DACH1: variants seen among roughly 807,000 people sequenced by gnomAD.
DACH1 encodes the protein dachshund homolog 1.
DACH1 carries 12 observed loss-of-function variants against 54.2 expected under a neutral mutation model. That is an observed-to-expected ratio of 0.22 (90% confidence interval 0.14 to 0.36). The LOEUF (loss-of-function observed/expected upper bound fraction) is 0.36. Ranked by LOEUF, DACH1 falls within the 10% of genes least tolerant of loss-of-function variation. The probability of loss-of-function intolerance (pLI) is 1.00; values close to 1 mark genes in which losing one functional copy is unlikely to be tolerated. For missense variants in DACH1, 805 were observed against 929.8 expected (o/e 0.87, Z 1.75); for synonymous variants, 386 against 366.2 (o/e 1.05, Z -0.62).
At chr13:71,449,250 T>C (rs1162465660) in intron 10 of DACH1, among the ~76,000 whole-genome samples, 4 of 151,738 alleles carry the variant, frequency 2.6e-5, no homozygotes, top group African/African-American at 9.7e-5. Flanking sequence ...TGCTTCAACC[T>C]GGAAGGCGGA....
At chr13:71,761,406 T>TA (rs1402688314) in intron 1 of DACH1, among the ~76,000 whole-genome samples, 5 of 152,134 alleles carry the variant, frequency 3.3e-5, no homozygotes, top group Admixed American at 3.3e-4. Flanking sequence ...TTCCTATAGG[T>TA]AGATTGTAAC....
intron 3 of DACH1, among the ~76,000 whole-genome samples, chr13:71,595,715 T>C (rs1409874112): frequency 6.6e-6 from 1 of 152,254 alleles, no homozygotes; most frequent in African/African-American, 2.4e-5. Flanking sequence ...TGTCAGGTTC[T>C]AAGAGGAAAC....
chr13:71,450,924 C>T (rs561052030), intron 10 of DACH1, among the ~76,000 whole-genome samples: 1 of 152,218 alleles, frequency 6.6e-6, no homozygotes, highest in South Asian at 2.1e-4. Context: ...ACTCAAGGAT[C>T]TGCCCCAAAT....
chr13:71,523,676 T>C (rs775983964), intron 6 of DACH1, among the ~76,000 whole-genome samples: 1 of 152,096 alleles, frequency 6.6e-6, no homozygotes, highest in Non-Finnish European at 1.5e-5. Context: ...TTCTCATCTA[T>C]TCAGATTCAC....
intron 3 of DACH1, among the ~76,000 whole-genome samples, chr13:71,612,556 G>T (rs1875411404): frequency 6.6e-6 from 1 of 152,076 alleles, no homozygotes; most frequent in Admixed American, 6.5e-5. Flanking sequence ...AGTAGACCCT[G>T]CCTTCATTAC....
intron 1 of DACH1, among the ~76,000 whole-genome samples, chr13:71,732,171 T>A (rs1883780767): frequency 6.6e-6 from 1 of 152,196 alleles, no homozygotes; most frequent in South Asian, 2.1e-4. Context: ...TTTCCTTGAA[T>A]TTTTCATGAA....
intron 1 of DACH1, among the ~76,000 whole-genome samples, chr13:71,694,495 A>T (rs533620919): frequency 2.4e-4 from 37 of 152,334 alleles, no homozygotes; most frequent in South Asian, 8.3e-4. Flanking sequence ...TGTTAATATG[A>T]TTTACATTCA....
chr13:71,818,313 T>A (rs1888047126), intron 1 of DACH1, among the ~76,000 whole-genome samples: 1 of 152,204 alleles, frequency 6.6e-6, no homozygotes, highest in African/African-American at 2.4e-5. Context: ...CTAGGTTGTC[T>A]GTGAAGGTCA....
intron 1 of DACH1, among the ~76,000 whole-genome samples, chr13:71,735,727 T>G (rs1234575731): frequency 6.6e-6 from 1 of 151,924 alleles, no homozygotes; most frequent in South Asian, 2.1e-4. Flanking sequence ...CACCAAACAT[T>G]TCTCTTATTC....
chr13:71,677,615 C>G (rs906260563), intron 2 of DACH1, among the ~76,000 whole-genome samples: 2 of 151,850 alleles, frequency 1.3e-5, no homozygotes, highest in African/African-American at 2.4e-5. Context: ...CCTAAGAAAA[C>G]AAATGCATCC....
At chr13:71,816,622 G>C (rs167341) in intron 1 of DACH1, among the ~76,000 whole-genome samples, 1 of 75,284 alleles carries the variant, frequency 1.3e-5, no homozygotes, top group East Asian at 8.7e-4. Flanking sequence ...ATATACACGT[G>C]TATATATACA....
chr13:71,850,128 A>G (rs1239805102), intron 1 of DACH1, among the ~76,000 whole-genome samples: 1 of 152,212 alleles, frequency 6.6e-6, no homozygotes, highest in African/African-American at 2.4e-5. Context: ...TACAGCTCTC[A>G]TAGGTATACA....
chr13:71,487,706 A>G (rs551053397), intron 7 of DACH1, among the ~76,000 whole-genome samples: 1 of 152,314 alleles, frequency 6.6e-6, no homozygotes, highest in Non-Finnish European at 1.5e-5. Context: ...AATCCATGCA[A>G]ATAGCTTTTC....
At chr13:71,829,179 G>A (rs1888493468) in intron 1 of DACH1, among the ~76,000 whole-genome samples, 1 of 151,844 alleles carries the variant, frequency 6.6e-6, no homozygotes, top group South Asian at 2.1e-4. Context: ...TACATGCTTT[G>A]ACCAAGTATA....
intron 1 of DACH1, among the ~76,000 whole-genome samples, chr13:71,777,660 T>C (rs981819759): frequency 6.6e-6 from 1 of 152,172 alleles, no homozygotes; most frequent in Non-Finnish European, 1.5e-5. Flanking sequence ...ATTGGAGCTA[T>C]ATTTTTTCCT....
chr13:71,528,584 C>T (rs1028821183), intron 6 of DACH1, among the ~76,000 whole-genome samples: 6 of 151,890 alleles, frequency 4.0e-5, no homozygotes, highest in Non-Finnish European at 8.8e-5. Flanking sequence ...CCTGCCACCA[C>T]GCCCGGCTAA....
intron 1 of DACH1, among the ~76,000 whole-genome samples, chr13:71,865,190 G>A (rs1050115029): frequency 2.0e-5 from 3 of 152,086 alleles, no homozygotes; most frequent in Non-Finnish European, 4.4e-5. Context: ...GCTCACACGC[G>A]GACACACGCA....
At chr13:71,675,373 C>G (rs1594083794) in intron 2 of DACH1, 2 of 1,496,846 alleles carry the variant, frequency 1.3e-6, no homozygotes, top group South Asian at 2.3e-5. Flanking sequence ...TCTGGTTGGC[C>G]TTTTTGAAGA....
intron 6 of DACH1, among the ~76,000 whole-genome samples, chr13:71,494,505 G>A (rs560669819): frequency 1.3e-5 from 2 of 152,166 alleles, no homozygotes; most frequent in South Asian, 4.1e-4. Flanking sequence ...AGGTAGGGTA[G>A]GCTAAGCAAT....
Sources: gnomAD v4.1 joint callset for allele counts (sites outside exome capture counted in the v4.1 genomes callset) on GRCh38, gnomAD v4.1.1 for gene constraint, MANE v1.5 for transcripts, NCBI Gene and HGNC (gene_info 2026-07-23, HGNC 2026-07-21) for gene names.